TSNARE1: variants seen among roughly 807,000 people sequenced by gnomAD.
TSNARE1 encodes t-SNARE domain-containing protein 1.
Under a neutral mutation model 62.0 loss-of-function variants are expected in TSNARE1, and 49 were observed. That is an observed-to-expected ratio of 0.79 (90% CI 0.63 to 1.00). The LOEUF (loss-of-function observed/expected upper bound fraction) is 1.00. Among genes scored for constraint, TSNARE1 ranks in the 50% least tolerant of loss-of-function variants. The pLI, the probability that TSNARE1 is intolerant of heterozygous loss-of-function variation, is 0.00. For missense variants in TSNARE1, 755 were observed against 700.1 expected (o/e 1.08, Z -0.88); for synonymous variants, 328 against 294.4 (o/e 1.11, Z -1.17).
At chr8:142,347,959 C>T (rs932840111) in intron 2 of TSNARE1, among the ~76,000 whole-genome samples, 1 of 152,250 alleles carries the variant, frequency 6.6e-6, no homozygotes, top group African/African-American at 2.4e-5. Context: ...TTATTCCACG[C>T]TGCTCCCCAC....
At chr8:142,226,934 C>T in intron 13 of TSNARE1, among the ~76,000 whole-genome samples, 1 of 145,634 alleles carries the variant, frequency 6.9e-6, no homozygotes, top group Non-Finnish European at 1.5e-5. Context: ...CACCCACAAC[C>T]CCAGTGACAG....
At chr8:142,352,059 C>T (rs1415658386) in intron 2 of TSNARE1, among the ~76,000 whole-genome samples, 1 of 152,264 alleles carries the variant, frequency 6.6e-6, no homozygotes, top group African/African-American at 2.4e-5. Flanking sequence ...GATGGATCAA[C>T]TCAACGCTGC....
intron 6 of TSNARE1, among the ~76,000 whole-genome samples, chr8:142,320,071 C>T (rs1829249927): frequency 6.6e-6 from 1 of 152,104 alleles, no homozygotes; most frequent in Admixed American, 6.5e-5. Context: ...CCAGTCCCCT[C>T]CTCACCCTGG....
Position 142,341,057 on chromosome 8 carries a change from G to A in TSNARE1, c.745+2909C>T, listed in dbSNP as rs540277516. ...AGGCCCTAACTGCAGAGCCCGCCTG[G>A]GTCGGAAAAGGAGGTGCTCACAAAA... is the stretch of plus-strand genomic sequence containing the variant. On this transcript the variant is annotated intron_variant, in intron 4 of 13. Transcript: ENST00000524325. Among the ~76,000 whole-genome samples the A allele has an allele frequency of 2.4e-4, 36 of 152,286 alleles. No individual in the cohort carries two copies. In the South Asian group the frequency reaches 7.0e-3, roughly 30 times the overall value.
chr8:142,227,220 T>A (rs1236036002), intron 13 of TSNARE1, among the ~76,000 whole-genome samples: 1 of 141,960 alleles, frequency 7.0e-6, no homozygotes, highest in Non-Finnish European at 1.5e-5. Flanking sequence ...ACAACCCTAG[T>A]GACAGCCAGG....
chr8:142,298,756 G>C (rs980764918), intron 10 of TSNARE1, among the ~76,000 whole-genome samples: 6 of 152,136 alleles, frequency 3.9e-5, no homozygotes, highest in African/African-American at 1.4e-4. Flanking sequence ...AGCCTGAGCC[G>C]CCCGAGGGGC....
At chr8:142,224,986 G>A (rs1816706570) in intron 13 of TSNARE1, among the ~76,000 whole-genome samples, 1 of 152,110 alleles carries the variant, frequency 6.6e-6, no homozygotes, top group Admixed American at 6.5e-5. Context: ...CAGGCTGGGA[G>A]CTGCTCCCAC....
chr8:142,297,317 G>C (rs766707570), intron 10 of TSNARE1, among the ~76,000 whole-genome samples: 10 of 152,244 alleles, frequency 6.6e-5, no homozygotes, highest in Non-Finnish European at 1.2e-4. Context: ...AGGAGACCAA[G>C]AGCAAGGCGG....
At chr8:142,271,561 T>G (rs1586918130) in intron 12 of TSNARE1, 3 of 1,391,954 alleles carry the variant, frequency 2.2e-6, no homozygotes, top group Admixed American at 3.0e-5. Flanking sequence ...GGGAAGCAGG[T>G]GGGGAGGGTG....
At chr8:142,247,712 T>C (rs1817957330) in intron 12 of TSNARE1, 1 of 152,288 alleles carries the variant, frequency 6.6e-6, no homozygotes, top group African/African-American at 2.4e-5. Context: ...CATCCCGCTT[T>C]AGGCAACCTG....
intron 12 of TSNARE1, among the ~76,000 whole-genome samples, chr8:142,233,962 C>T (rs1288910042): frequency 6.6e-6 from 1 of 152,214 alleles, no homozygotes; most frequent in Non-Finnish European, 1.5e-5. Context: ...CACCTCCTTC[C>T]CCAGTGGAGC....
chr8:142,229,272 T>G (rs1219678697), intron 13 of TSNARE1, among the ~76,000 whole-genome samples: 1 of 150,962 alleles, frequency 6.6e-6, no homozygotes, highest in African/African-American at 2.4e-5. Context: ...GATGGGTGGA[T>G]GGATGGATGG....
At position 142,318,590 on chromosome 8, in the gene TSNARE1, G is replaced by T; in HGVS notation, c.938C>A (p.Ala313Asp). The T allele has an allele frequency of 6.2e-7, 1 of 1,613,786 alleles. No homozygotes were observed. Among genetic ancestry groups the T allele is most frequent in the Non-Finnish European group, 8.5e-7 (1 of 1,179,992 alleles). Reference protein sequence around the residue: ...QETNKTIAASASSVKQMAELL... With the variant: ...QETNKTIAASDSSVKQMAELL... Reference sequence around the variant, plus strand: ...CTCGGCCATCTGCTTCACGGAGCTGGCGCTGGCTGCAATGGTCTTGTTGGT... The same window carrying T: ...CTCGGCCATCTGCTTCACGGAGCTGTCGCTGGCTGCAATGGTCTTGTTGGT... Residue 313 changes from alanine (A) to aspartate (D), a missense_variant, in exon 7 of 14, where the codon GCC (alanine) becomes GAC (aspartate). Coordinates refer to ENST00000524325, the MANE Select transcript of TSNARE1 (RefSeq NM_145003.5).
In TSNARE1 at chr8:142,293,876, C is replaced by T. The variant is rs545145533; in HGVS notation, c.1290+6610G>A. ...GCAGGAAGTGGGGCTGCAGTGGGGGCGGGAGAGGAGGGGCCACACTGGCCC... is the reference window on the plus strand; with the variant it reads ...GCAGGAAGTGGGGCTGCAGTGGGGGTGGGAGAGGAGGGGCCACACTGGCCC... On this transcript the variant is annotated intron_variant, in intron 10 of 13. Transcript: ENST00000524325. 6.6e-5 allele frequency among the ~76,000 whole-genome samples: 10 copies of T among 152,310 alleles called. No homozygotes were observed. In the East Asian group the frequency reaches 1.5e-3, roughly 24 times the overall value.
intron 1 of TSNARE1, among the ~76,000 whole-genome samples, chr8:142,387,757 T>G (rs887185036): frequency 4.6e-5 from 7 of 152,142 alleles, no homozygotes; most frequent in African/African-American, 1.4e-4. Flanking sequence ...AAAAGAACTT[T>G]CATCCTCAAA....
At chr8:142,269,807 G>T (rs550190621) in intron 12 of TSNARE1, 1 of 985,452 alleles carries the variant, frequency 1.0e-6, no homozygotes, top group East Asian at 1.1e-4. Flanking sequence ...ACCCATAGAA[G>T]GGGTAGCCTG....
intron 11 of TSNARE1, chr8:142,278,513 A>G (rs1443358851): frequency 1.0e-6 from 1 of 985,330 alleles, no homozygotes; most frequent in Non-Finnish European, 1.2e-6. Flanking sequence ...GTGTGCCACC[A>G]TATGCGGAGG....
At chr8:142,397,593 C>T (rs1036734887) in intron 1 of TSNARE1, among the ~76,000 whole-genome samples, 8 of 152,164 alleles carry the variant, frequency 5.3e-5, no homozygotes, top group Admixed American at 2.6e-4. Context: ...AGGGAGAAAA[C>T]GAGGCAATCT....
At chr8:142,405,892 G>C (rs983383106), upstream of TSNARE1, 1 of 152,370 alleles carries the variant, frequency 6.6e-6, no homozygotes, top group Admixed American at 6.6e-5. Context: ...CCGCCGAGCC[G>C]CCCTCACTAT....
Sources: allele counts gnomAD v4.1 joint callset (sites outside exome capture counted in the v4.1 genomes callset), GRCh38; gene constraint gnomAD v4.1.1; transcripts MANE v1.5; gene names NCBI Gene and HGNC (gene_info 2026-07-23, HGNC 2026-07-21).